PSKH2: variants seen among roughly 807,000 people sequenced by gnomAD.
The protein encoded by PSKH2 is protein serine kinase H2.
In PSKH2, 16 loss-of-function variants were observed where a neutral mutation model predicts 22.5. That is an observed-to-expected ratio of 0.71 (90% CI 0.48 to 1.08). PSKH2 has a LOEUF of 1.08. Among genes scored for constraint, PSKH2 ranks in the 50% least tolerant of loss-of-function variants. The probability of loss-of-function intolerance (pLI) is 0.00; values close to 1 mark genes in which losing one functional copy is unlikely to be tolerated. For synonymous variants in PSKH2, 188 were observed against 184.8 expected (o/e 1.02, Z -0.14); for missense variants, 516 against 492.8 (o/e 1.05, Z -0.44).
At chr8:86,054,290 T>C (rs1469709715) in intron 2 of PSKH2, among the ~76,000 whole-genome samples, 2 of 152,172 alleles carry the variant, frequency 1.3e-5, no homozygotes, top group Non-Finnish European at 2.9e-5. Context: ...GAAATAATCA[T>C]TGTCACATTT....
chr8:86,053,277 C>T (rs903067253), intron 2 of PSKH2, among the ~76,000 whole-genome samples: 22 of 152,144 alleles, frequency 1.4e-4, no homozygotes, highest in African/African-American at 5.3e-4. Context: ...ACCCATCTCC[C>T]CAGCTTGCCA....
Position 86,069,529 on chromosome 8 carries a change from C to A in PSKH2, c.94G>T (p.Ala32Ser), listed in dbSNP as rs370079446. 3.7e-4 allele frequency: 601 copies of A among 1,608,812 alleles called. 1 individual carries two copies. The highest frequency in any genetic ancestry group is 1.9e-3 in the Middle Eastern group (11 of 5,938). The change falls in exon 1 of 3, where the codon GCG (alanine) becomes TCG (serine). Residue 32 changes from alanine (A) to serine (S), a missense_variant. Physicochemically the swap from Ala to Ser is moderately conservative, Grantham distance 99 (BLOSUM62 1). Coordinates refer to ENST00000276616, the MANE Select transcript of PSKH2 (RefSeq NM_033126.3). ...GCCGCCGCCTCGGGCCCAGGCCCCG[C>A]GCCTCCGACGCCGGCTTGGTTTTGA... ...EGQNQAGVGG[A>S]GPGPEAAAQA...
At chr8:86,049,012 CTT>C (rs1405514348) in intron 2 of PSKH2, among the ~76,000 whole-genome samples, 1 of 152,148 alleles carries the variant, frequency 6.6e-6, no homozygotes, top group Non-Finnish European at 1.5e-5. Flanking sequence ...CTTCCAAACT[CTT>C]TGTCCAATGA....
rs1161151365 is a variant in PSKH2 at position 86,069,635 on chromosome 8, C to A, written c.-13G>T. 1 of 1,531,714 alleles carries A rather than the reference C, an allele frequency of 6.5e-7. No individual in the cohort carries two copies. The highest frequency in any genetic ancestry group is 1.2e-5 in the South Asian group (1 of 81,610). The allele number at this position is 1,531,714 out of a possible 1,614,324, so 94.9% of individuals were successfully genotyped here. ...CGCCGCACCCCATACCCGCAACACG[C>A]CCGCCGCTCGCGGGACCTGGGGACT... On this transcript the variant is annotated 5_prime_UTR_variant, in exon 1 of 3. Transcript: ENST00000276616.
Position 86,047,442 on chromosome 8 carries a change from T to G in PSKH2, c.*1020A>C, listed in dbSNP as rs1817542632. Among the ~76,000 whole-genome samples the G allele has an allele frequency of 6.6e-6, 1 of 152,150 alleles. No individual in the cohort carries two copies. Among genetic ancestry groups the G allele is most frequent in the Admixed American group, 6.5e-5 (1 of 15,278 alleles). ...ATAAAATGAAAAAATTGAGACTGATTTTAAAGTTACAGTAAATGTCATTCT... is the reference window on the plus strand; with the variant it reads ...ATAAAATGAAAAAATTGAGACTGATGTTAAAGTTACAGTAAATGTCATTCT... On this transcript the variant is annotated 3_prime_UTR_variant, in exon 3 of 3. Transcript: ENST00000276616.
rs375032069 is a variant in PSKH2, at chr8:86,068,927, G to T, written c.185+511C>A. Among the ~76,000 whole-genome samples, 32 of 152,140 alleles carry T rather than the reference G, an allele frequency of 2.1e-4. No individual in the cohort carries two copies. In the East Asian group the frequency reaches 5.2e-3, roughly 25 times the overall value. On this transcript the variant is annotated intron_variant, in intron 1 of 2. Transcript: ENST00000276616. ...CCATCCTCTGAACTCCCTGTTCAGA[G>T]ATGTCAAAGAGAAATTGTACTGGGC...
chr8:86,051,536 A>T lies in PSKH2; in HGVS notation c.853-2769T>A, dbSNP rs73688573. Among the ~76,000 whole-genome samples the T allele has an allele frequency of 5.9e-3, 897 of 152,364 alleles. 8 individuals carry two copies. The highest frequency in any genetic ancestry group is 0.021 in the African/African-American group (872 of 41,584). On this transcript the variant is annotated intron_variant, in intron 2 of 2. Coordinates refer to ENST00000276616, the MANE Select transcript of PSKH2 (RefSeq NM_033126.3). ...GCATATCTGACAAATACTCAAACAC[A>T]GGAAAAACAAAATATAAACTCTGCA...
At chr8:86,049,551 C>T (rs753574368) in intron 2 of PSKH2, among the ~76,000 whole-genome samples, 1 of 141,298 alleles carries the variant, frequency 7.1e-6, no homozygotes, top group Non-Finnish European at 1.5e-5. Flanking sequence ...AGAGTGAGAC[C>T]CTGTCTCTAA....
chr8:86,064,559 C>T lies in PSKH2; in HGVS notation c.258G>A (p.Lys86=). ...CCATCACTTTTATTGCAAAAGGTTT[C>T]TTGGTGGTCTTCTGCTCTACCCTGA... ...RVVRVEQKTT[K]KPFAIKVMET... Residue 86 remains lysine, a synonymous_variant, in exon 2 of 3, where the codon AAG becomes AAA. Transcript: ENST00000276616. 1 of 1,614,088 alleles carries T rather than the reference C, an allele frequency of 6.2e-7. No individual in the cohort carries two copies. Among genetic ancestry groups the T allele is most frequent in the Non-Finnish European group, 8.5e-7 (1 of 1,180,018 alleles).
At chr8:86,059,923 C>T (rs551529398) in intron 2 of PSKH2, among the ~76,000 whole-genome samples, 3 of 152,178 alleles carry the variant, frequency 2.0e-5, no homozygotes, top group Admixed American at 6.5e-5. Flanking sequence ...AAAAGATTTG[C>T]ATCTGTAGAG....
At chr8:86,053,229 C>A (rs191751938) in intron 2 of PSKH2, among the ~76,000 whole-genome samples, 2 of 152,288 alleles carry the variant, frequency 1.3e-5, no homozygotes, top group Admixed American at 6.5e-5. Flanking sequence ...TCTTCTCCAG[C>A]ATGGTTTCTC....
At chr8:86,059,747 C>T (rs935788178) in intron 2 of PSKH2, among the ~76,000 whole-genome samples, 3 of 152,216 alleles carry the variant, frequency 2.0e-5, no homozygotes, top group African/African-American at 4.8e-5. Context: ...AGGGCATGGA[C>T]ATCTTTGGTG....
chr8:86,054,229 T>A (rs1318360293), intron 2 of PSKH2, among the ~76,000 whole-genome samples: 1 of 152,156 alleles, frequency 6.6e-6, no homozygotes, highest in Non-Finnish European at 1.5e-5. Context: ...AAGCTACAAA[T>A]ATCTATTTTT....
chr8:86,064,669 G>T (rs764021968), intron 1 of PSKH2, 38 bp from the exon 2 acceptor site: 14 of 1,498,234 alleles, frequency 9.3e-6, no homozygotes, highest in Non-Finnish European at 1.8e-6. Flanking sequence ...ATCCCCAGAA[G>T]TGATGATTCT....
At chr8:86,059,569 C>G (rs1376429145) in intron 2 of PSKH2, among the ~76,000 whole-genome samples, 1 of 152,186 alleles carries the variant, frequency 6.6e-6, no homozygotes, top group African/African-American at 2.4e-5. Flanking sequence ...AGTCATATCT[C>G]TTCTCTCTAG....
intron 2 of PSKH2, among the ~76,000 whole-genome samples, chr8:86,056,749 C>T (rs562572147): frequency 6.6e-6 from 1 of 152,156 alleles, no homozygotes; most frequent in Non-Finnish European, 1.5e-5. Context: ...ATTTGATCTT[C>T]ACAACAACCC....
At chr8:86,056,235 C>A (rs1249191825) in intron 2 of PSKH2, among the ~76,000 whole-genome samples, 4 of 152,010 alleles carry the variant, frequency 2.6e-5, no homozygotes, top group Non-Finnish European at 5.9e-5. Flanking sequence ...TGGGGCTGCA[C>A]TGAGCTATGA....
intron 2 of PSKH2, among the ~76,000 whole-genome samples, chr8:86,061,286 GA>G (rs2130162111): frequency 6.6e-6 from 1 of 152,230 alleles, no homozygotes; most frequent in South Asian, 2.1e-4. Context: ...TGCTTTTGGG[GA>G]AACTGACCTT....
Position 86,047,866 on chromosome 8 carries a change from T to C in PSKH2, c.*596A>G, listed in dbSNP as rs1817549246. 6.6e-6 allele frequency among the ~76,000 whole-genome samples: 1 copy of C among 152,144 alleles called. No individual in the cohort carries two copies. The highest frequency in any genetic ancestry group is 1.5e-5 in the Non-Finnish European group (1 of 67,984). ...AAAAAAATCACTATTTTATGATTCTTAAAAATCTCTATTTTTCCCGTGAAT... is the reference window on the plus strand; with the variant it reads ...AAAAAAATCACTATTTTATGATTCTCAAAAATCTCTATTTTTCCCGTGAAT... On this transcript the variant is annotated 3_prime_UTR_variant, in exon 3 of 3. Coordinates refer to ENST00000276616, the MANE Select transcript of PSKH2 (RefSeq NM_033126.3).
Sources: gnomAD v4.1 joint callset for allele counts (sites outside exome capture counted in the v4.1 genomes callset) on GRCh38, gnomAD v4.1.1 for gene constraint, MANE v1.5 for transcripts, NCBI Gene and HGNC (gene_info 2026-07-23, HGNC 2026-07-21) for gene names.